CACNG3: variants seen among roughly 807,000 people sequenced by gnomAD.
The protein encoded by CACNG3 is calcium voltage-gated channel auxiliary subunit gamma 3.
CACNG3 carries 3 observed loss-of-function variants against 28.5 expected under a neutral mutation model. The observed-to-expected ratio is 0.11, with a 90% confidence interval of 0.05 to 0.27. CACNG3 has a LOEUF of 0.27. Among genes scored for constraint, CACNG3 ranks in the 10% least tolerant of loss-of-function variants. CACNG3 has a pLI of 1.00. For synonymous variants in CACNG3, 174 were observed against 162.2 expected, an observed-to-expected ratio of 1.07 and a Z score of -0.55; for missense variants, 236 against 414.4, an observed-to-expected ratio of 0.57 and a Z score of 3.74.
intron 1 of CACNG3, among the ~76,000 whole-genome samples, chr16:24,302,831 C>T (rs756962009): frequency 1.3e-5 from 2 of 151,902 alleles, no homozygotes; most frequent in African/African-American, 4.8e-5. Context: ...GGTTAATTTT[C>T]GTATTTTCAG....
chr16:24,304,441 C>A (rs992286232), intron 1 of CACNG3, among the ~76,000 whole-genome samples: 2 of 152,018 alleles, frequency 1.3e-5, no homozygotes, highest in Admixed American at 6.6e-5. Flanking sequence ...AAACTGTATA[C>A]CTCTGCCTAA....
intron 1 of CACNG3, among the ~76,000 whole-genome samples, chr16:24,338,743 G>A (rs550608811): frequency 6.6e-6 from 1 of 152,218 alleles, no homozygotes; most frequent in African/African-American, 2.4e-5. Context: ...TCTGTCTTGG[G>A]CATTAGGGAA....
intron 3 of CACNG3, among the ~76,000 whole-genome samples, chr16:24,356,969 G>C (rs1900040414): frequency 6.6e-6 from 1 of 152,084 alleles, no homozygotes; most frequent in African/African-American, 2.4e-5. Flanking sequence ...AAAATCATCA[G>C]ATCATGCCTG....
At chr16:24,317,713 A>AAAGAAAGAAAG (rs200316829) in intron 1 of CACNG3, among the ~76,000 whole-genome samples, 5 of 61,644 alleles carry the variant, frequency 8.1e-5, no homozygotes, top group Admixed American at 1.6e-4. Flanking sequence ...AGAAAGAAAG[A>AAAGAAAGAAAG]AAAGAAAGAA....
chr16:24,338,596 C>T (rs1198461912), intron 1 of CACNG3, among the ~76,000 whole-genome samples: 1 of 152,192 alleles, frequency 6.6e-6, no homozygotes, highest in Non-Finnish European at 1.5e-5. Flanking sequence ...CTGCCTGCCT[C>T]GGCCTCCCAA....
intron 1 of CACNG3, among the ~76,000 whole-genome samples, chr16:24,308,702 A>AGCCATGTT: frequency 6.6e-6 from 1 of 152,090 alleles, no homozygotes; most frequent in Non-Finnish European, 1.5e-5. Flanking sequence ...AAAATTAGCC[A>AGCCATGTT]GCCATGTTGG....
chr16:24,334,505 T>C (rs4788014), intron 1 of CACNG3, among the ~76,000 whole-genome samples: 2,689 of 152,292 alleles, frequency 0.018, 196 homozygotes, highest in Admixed American at 0.12. Context: ...AGGAGATGGA[T>C]GTGAGAAGAC....
chr16:24,354,336 C>G (rs1358698911), intron 2 of CACNG3, among the ~76,000 whole-genome samples: 1 of 152,162 alleles, frequency 6.6e-6, no homozygotes, highest in East Asian at 1.9e-4. Context: ...AGCGCAAACC[C>G]TCCCAGGGAC....
At chr16:24,257,191 G>A (rs190791224) in intron 1 of CACNG3, among the ~76,000 whole-genome samples, 20 of 152,114 alleles carry the variant, frequency 1.3e-4, no homozygotes, top group African/African-American at 4.1e-4. Flanking sequence ...TGAGATTTTT[G>A]TCACACTCTA....
intron 1 of CACNG3, among the ~76,000 whole-genome samples, chr16:24,323,468 C>T (rs1240906142): frequency 6.6e-6 from 1 of 152,076 alleles, no homozygotes; most frequent in Non-Finnish European, 1.5e-5. Context: ...TTGAGGATAG[C>T]AGCATTACAC....
chr16:24,277,059 G>A (rs1461158653), intron 1 of CACNG3, among the ~76,000 whole-genome samples: 2 of 152,172 alleles, frequency 1.3e-5, no homozygotes, highest in African/African-American at 2.4e-5. Flanking sequence ...TGGAAATGGA[G>A]AAATGGGCAC....
At chr16:24,267,405 A>G (rs1487798428) in intron 1 of CACNG3, among the ~76,000 whole-genome samples, 1 of 152,106 alleles carries the variant, frequency 6.6e-6, no homozygotes, top group Non-Finnish European at 1.5e-5. Context: ...CTCCCACCAC[A>G]GTCCCATGAG....
chr16:24,294,621 A>G (rs924526168), intron 1 of CACNG3, among the ~76,000 whole-genome samples: 1 of 152,182 alleles, frequency 6.6e-6, no homozygotes, highest in Non-Finnish European at 1.5e-5. Flanking sequence ...GGCTGGTCTC[A>G]AACTCCCGGC....
intron 1 of CACNG3, among the ~76,000 whole-genome samples, chr16:24,338,803 T>C (rs913147061): frequency 1.3e-5 from 2 of 152,126 alleles, no homozygotes; most frequent in Non-Finnish European, 2.9e-5. Flanking sequence ...ACACTTACCT[T>C]CCCCGGTTCC....
At position 24,324,726 on chromosome 16, in the gene CACNG3, G is replaced by A. The variant is rs1256332948; in HGVS notation, c.212-22008G>A. Among the ~76,000 whole-genome samples the A allele has an allele frequency of 5.3e-5, 8 of 152,120 alleles. 1 individual carries two copies. The highest frequency in any genetic ancestry group is 1.2e-4 in the Non-Finnish European group (8 of 68,016). ...ATGTGCTCTCCCTCCTGTGGTCTCAGCCTTCTCTCAGCTTTTCTCTCCTTC... is the reference window on the plus strand; with the variant it reads ...ATGTGCTCTCCCTCCTGTGGTCTCAACCTTCTCTCAGCTTTTCTCTCCTTC... On this transcript the variant is annotated intron_variant, in intron 1 of 3. Coordinates refer to ENST00000005284, the MANE Select transcript of CACNG3 (RefSeq NM_006539.4).
intron 1 of CACNG3, among the ~76,000 whole-genome samples, chr16:24,336,099 C>G (rs1392036852): frequency 6.6e-6 from 1 of 151,722 alleles, no homozygotes; most frequent in Non-Finnish European, 1.5e-5. Flanking sequence ...GTGGCATGCA[C>G]CTGTAGTCCC....
intron 1 of CACNG3, among the ~76,000 whole-genome samples, chr16:24,292,605 A>ACTCT (rs1395410434): frequency 1.4e-5 from 2 of 146,806 alleles, no homozygotes; most frequent in Non-Finnish European, 3.0e-5. Context: ...CTCTGCCCAG[A>ACTCT]CTCTCTCCCT....
chr16:24,303,266 C>T (rs1240190116), intron 1 of CACNG3, among the ~76,000 whole-genome samples: 2 of 152,138 alleles, frequency 1.3e-5, no homozygotes, highest in African/African-American at 4.8e-5. Flanking sequence ...ACTCTTGGGT[C>T]CACAGTTATT....
intron 1 of CACNG3, among the ~76,000 whole-genome samples, chr16:24,334,503 G>A (rs982340635): frequency 2.0e-5 from 3 of 152,202 alleles, no homozygotes; most frequent in Non-Finnish European, 4.4e-5. Context: ...AGAGGAGATG[G>A]ATGTGAGAAG....
Sources: allele counts gnomAD v4.1 joint callset (sites outside exome capture counted in the v4.1 genomes callset), GRCh38; gene constraint gnomAD v4.1.1; transcripts MANE v1.5; gene names NCBI Gene and HGNC (gene_info 2026-07-23, HGNC 2026-07-21).